Variants in ARHGEF38 observed in about 807,000 individuals in gnomAD.
ARHGEF38 encodes the protein Rho guanine nucleotide exchange factor (GEF) 38.
Under a neutral mutation model 79.9 loss-of-function variants are expected in ARHGEF38, and 79 were observed. The ratio of observed to expected loss-of-function variants is 0.99; its 90% CI spans 0.82 to 1.19. The LOEUF (loss-of-function observed/expected upper bound fraction) is 1.19, where lower values mean the gene tolerates loss of function less well. Ranked by LOEUF, ARHGEF38 falls within the 50% of genes most tolerant of loss-of-function variation. The probability of loss-of-function intolerance (pLI) is 0.00; values close to 1 mark genes in which losing one functional copy is unlikely to be tolerated. For synonymous variants in ARHGEF38, 366 were observed against 328.3 expected (o/e 1.11, Z -1.24); for missense variants, 962 against 907.2 (o/e 1.06, Z -0.78).
chr4:105,613,362 T>C, intron 2 of ARHGEF38, 22 bp from the exon 3 acceptor site: 2 of 1,608,604 alleles, frequency 1.2e-6, no homozygotes, highest in Non-Finnish European at 1.7e-6. Context: ...CTCCATCAGC[T>C]CAATGTTTTT....
chr4:105,626,998 T>C (rs1039175508), intron 3 of ARHGEF38, among the ~76,000 whole-genome samples: 1 of 152,078 alleles, frequency 6.6e-6, no homozygotes, highest in Non-Finnish European at 1.5e-5. Context: ...TGAGTGTTGC[T>C]CAAAGCTCCC....
intron 2 of ARHGEF38, among the ~76,000 whole-genome samples, chr4:105,607,809 G>A (rs756786328): frequency 1.1e-4 from 16 of 151,700 alleles, no homozygotes; most frequent in Non-Finnish European, 2.2e-4. Context: ...TATGGAATAA[G>A]GATTTCTTGT....
At chr4:105,650,860 G>A (rs1730074611) in intron 7 of ARHGEF38, among the ~76,000 whole-genome samples, 3 of 152,188 alleles carry the variant, frequency 2.0e-5, no homozygotes, top group African/African-American at 7.2e-5. Flanking sequence ...AATGTAAGAA[G>A]TTGGGGACAT....
rs994104294 is a variant in ARHGEF38, at chr4:105,654,097, G to T, written c.1041G>T (p.Lys347Asn). 2.0e-6 allele frequency: 3 copies of T among 1,514,290 alleles called. No homozygotes were observed. Among genetic ancestry groups the T allele is most frequent in the Non-Finnish European group, 2.7e-6 (3 of 1,132,064 alleles). 93.8% of individuals were successfully genotyped at this position (1,514,290 alleles called of 1,614,324 possible). ...ACAATACCTTTAACAGAGAAGAAAA[G>T]CTGTTTAGAGCTTTAGAAAAGACTG... Reference protein sequence around the residue: ...VKDNTFNREEKLFRALEKTVR... With the variant: ...VKDNTFNREENLFRALEKTVR... Residue 347 changes from lysine to asparagine, a missense_variant, in exon 8 of 14, where the codon AAG (lysine) becomes AAT (asparagine). Lys to Asn is a moderately conservative substitution (Grantham distance 94, BLOSUM62 0). Transcript: ENST00000420470.
intron 1 of ARHGEF38, among the ~76,000 whole-genome samples, chr4:105,571,819 T>C (rs1726249947): frequency 6.6e-6 from 1 of 152,318 alleles, no homozygotes; most frequent in African/African-American, 2.4e-5. Flanking sequence ...AATAATATTG[T>C]TGTGACACCA....
chr4:105,555,251 G>A (rs1312296336), intron 1 of ARHGEF38, among the ~76,000 whole-genome samples: 2 of 152,080 alleles, frequency 1.3e-5, no homozygotes, highest in East Asian at 1.9e-4. Flanking sequence ...AAGAAGTATA[G>A]AGGAGCACAT....
At chr4:105,675,317 G>A (rs1731082255) in intron 13 of ARHGEF38, among the ~76,000 whole-genome samples, 1 of 152,132 alleles carries the variant, frequency 6.6e-6, no homozygotes, top group African/African-American at 2.4e-5. Context: ...TAACTCATAA[G>A]GTTGTTGAGG....
chr4:105,633,842 G>T (rs1421278490), intron 4 of ARHGEF38, among the ~76,000 whole-genome samples: 7 of 152,102 alleles, frequency 4.6e-5, no homozygotes, highest in Non-Finnish European at 7.4e-5. Context: ...AACAATACAA[G>T]AATTAATTTA....
At chr4:105,554,023 T>G (rs1454531348) in intron 1 of ARHGEF38, among the ~76,000 whole-genome samples, 5 of 152,134 alleles carry the variant, frequency 3.3e-5, no homozygotes, top group Admixed American at 3.3e-4. Flanking sequence ...AATCTAAAAA[T>G]TATTACTATA....
Position 105,630,978 on chromosome 4 carries a change from A to G in ARHGEF38, c.589A>G (p.Ile197Val). 1 of 1,613,982 alleles carries G rather than the reference A, an allele frequency of 6.2e-7. No individual in the cohort carries two copies. Among genetic ancestry groups the G allele is most frequent in the Non-Finnish European group, 8.5e-7 (1 of 1,179,922 alleles). Residue 197 changes from isoleucine to valine, a missense_variant, in exon 4 of 14, where the codon ATA becomes GTA. Ile to Val is a conservative substitution (Grantham distance 29). Transcript: ENST00000420470. ...YCYHHDEAHS[I>V]LESYEKEEEL... ...CTATCACCATGATGAAGCACATAGT[A>G]TACTGGAGTCCTATGAAAAGGAAGA...
intron 2 of ARHGEF38, among the ~76,000 whole-genome samples, chr4:105,602,700 G>A (rs975611171): frequency 1.3e-5 from 2 of 152,208 alleles, no homozygotes; most frequent in African/African-American, 4.8e-5. Context: ...GCTCACGCTT[G>A]TTTCCATCAT....
chr4:105,613,177 A>T (rs920813640), intron 2 of ARHGEF38, among the ~76,000 whole-genome samples: 32 of 152,154 alleles, frequency 2.1e-4, no homozygotes, highest in Admixed American at 9.2e-4. Flanking sequence ...CATATTCAAA[A>T]TTTTTTTAAA....
At chr4:105,595,642 A>G (rs1727546244) in intron 2 of ARHGEF38, among the ~76,000 whole-genome samples, 1 of 152,190 alleles carries the variant, frequency 6.6e-6, no homozygotes, top group Non-Finnish European at 1.5e-5. Context: ...GGATCCACCA[A>G]GAATACCAAA....
rs1181881363 is a variant in ARHGEF38 at position 105,666,229 on chromosome 4, A to G, written c.1598A>G (p.Glu533Gly). 1.6e-5 allele frequency: 24 copies of G among 1,535,318 alleles called. No individual in the cohort carries two copies. In the Admixed American group the frequency reaches 4.7e-4, roughly 30 times the overall value. ...ISEIQNQVLE[E>G]IQNLNCVKEN... ...GAGATTCAGAATCAAGTACTAGAAG[A>G]GATCCAAAATTTGAATTGTGTGAAA... is the stretch of plus-strand genomic sequence containing the variant. Residue 533 changes from glutamate to glycine, a missense_variant, in exon 11 of 14, where the codon GAG (glutamate) becomes GGG (glycine). Coordinates refer to ENST00000420470, the MANE Select transcript of ARHGEF38 (RefSeq NM_001242729.2).
chr4:105,637,842 C>T (rs775857595), intron 5 of ARHGEF38, among the ~76,000 whole-genome samples: 1 of 152,136 alleles, frequency 6.6e-6, no homozygotes, highest in African/African-American at 2.4e-5. Context: ...TATTGAAACA[C>T]GCTTAAAAAT....
chr4:105,614,899 G>T (rs765076942), intron 3 of ARHGEF38, among the ~76,000 whole-genome samples: 1 of 152,168 alleles, frequency 6.6e-6, no homozygotes, highest in Non-Finnish European at 1.5e-5. Context: ...TGAATTGAAG[G>T]TGTGGGTATA....
chr4:105,614,575 T>A (rs1034591228), intron 3 of ARHGEF38, among the ~76,000 whole-genome samples: 1 of 152,170 alleles, frequency 6.6e-6, no homozygotes, highest in African/African-American at 2.4e-5. Context: ...TGAAATATAG[T>A]GAAAGAAATG....
At chr4:105,556,104 A>G (rs1157087373) in intron 1 of ARHGEF38, among the ~76,000 whole-genome samples, 1 of 152,182 alleles carries the variant, frequency 6.6e-6, no homozygotes, top group Admixed American at 6.6e-5. Context: ...TCAGTTGACT[A>G]GCATTTATTG....
rs115866081 is a variant in ARHGEF38, at chr4:105,622,614, A to G, written c.509-8284A>G. ...AAAAGGGGTTTATTTTTCTCACGTCACAAGAAATCCGTAACTCACAAGTCC... is the reference window on the plus strand; with the variant it reads ...AAAAGGGGTTTATTTTTCTCACGTCGCAAGAAATCCGTAACTCACAAGTCC... On this transcript the variant is annotated intron_variant, in intron 3 of 13. Coordinates refer to ENST00000420470, the MANE Select transcript of ARHGEF38 (RefSeq NM_001242729.2). Among the ~76,000 whole-genome samples the G allele has an allele frequency of 2.6e-3, 391 of 152,328 alleles. 2 individuals carry two copies. The highest frequency in any genetic ancestry group is 4.4e-3 in the South Asian group (21 of 4,820).
Sources: allele counts gnomAD v4.1 joint callset (sites outside exome capture counted in the v4.1 genomes callset), GRCh38; gene constraint gnomAD v4.1.1; transcripts MANE v1.5; gene names NCBI Gene and HGNC (gene_info 2026-07-23, HGNC 2026-07-21).